Variants in KHDRBS2 observed in about 807,000 individuals in gnomAD.
The protein encoded by KHDRBS2 is KH RNA binding domain containing, signal transduction associated 2.
KHDRBS2 carries 26 observed loss-of-function variants against 44.3 expected under a neutral mutation model. That is an observed-to-expected ratio of 0.59 (90% CI 0.43 to 0.81). KHDRBS2 has a LOEUF of 0.81. Ranked by LOEUF, KHDRBS2 falls within the 40% of genes least tolerant of loss-of-function variation. The pLI is 0.00. For missense variants in KHDRBS2, 476 were observed against 433.1 expected (o/e 1.10, Z -0.88); for synonymous variants, 194 against 151.1 (o/e 1.28, Z -2.08).
intron 7 of KHDRBS2, among the ~76,000 whole-genome samples, chr6:61,699,865 A>T (rs1202181546): frequency 6.6e-6 from 1 of 151,930 alleles, no homozygotes; most frequent in Non-Finnish European, 1.5e-5. Context: ...TTACATTCAA[A>T]CTGTCTAAAA....
the KHDRBS2 span, among the ~76,000 whole-genome samples, chr6:61,564,544 G>A: frequency 6.6e-6 from 1 of 151,992 alleles, no homozygotes; most frequent in African/African-American, 2.4e-5. Flanking sequence ...ATAAAATGAA[G>A]GTGATCTGGT....
intron 2 of KHDRBS2, among the ~76,000 whole-genome samples, chr6:62,128,793 C>T (rs892132343): frequency 6.6e-6 from 1 of 151,492 alleles, no homozygotes; most frequent in African/African-American, 2.4e-5. Flanking sequence ...TACAACGACA[C>T]AATAAAAAAT....
At chr6:62,244,950 G>A (rs1835301329) in intron 1 of KHDRBS2, among the ~76,000 whole-genome samples, 1 of 152,074 alleles carries the variant, frequency 6.6e-6, no homozygotes, top group African/African-American at 2.4e-5. Context: ...AGCAGCAAGT[G>A]CAAACCTTGC....
At chr6:62,065,208 T>A (rs987457992) in intron 2 of KHDRBS2, among the ~76,000 whole-genome samples, 1 of 152,078 alleles carries the variant, frequency 6.6e-6, no homozygotes, top group African/African-American at 2.4e-5. Flanking sequence ...GTTCAACCAT[T>A]GTGGAAGTCA....
chr6:61,697,365 C>T, intron 7 of KHDRBS2, 112 bp from the exon 8 acceptor site: 1 of 723,806 alleles, frequency 1.4e-6, no homozygotes. Context: ...CCAGGAACTT[C>T]AAGGCATAAA....
At chr6:62,035,650 T>C (rs1421198844) in intron 3 of KHDRBS2, among the ~76,000 whole-genome samples, 1 of 152,016 alleles carries the variant, frequency 6.6e-6, no homozygotes, top group Non-Finnish European at 1.5e-5. Context: ...AGAGTATTAT[T>C]GGATTGTTTG....
chr6:61,988,755 C>A (rs1418308285), intron 3 of KHDRBS2, among the ~76,000 whole-genome samples: 1 of 152,092 alleles, frequency 6.6e-6, no homozygotes, highest in Non-Finnish European at 1.5e-5. Context: ...CATCACAGGC[C>A]CACAAGGGTG....
intron 1 of KHDRBS2, among the ~76,000 whole-genome samples, chr6:62,229,192 A>C (rs1832458940): frequency 6.6e-6 from 1 of 152,000 alleles, no homozygotes; most frequent in African/African-American, 2.4e-5. Flanking sequence ...TTGGGTCCCT[A>C]AGCCCCTGGA....
chr6:61,771,895 C>CT (rs1780980822), intron 6 of KHDRBS2, among the ~76,000 whole-genome samples: 1 of 152,158 alleles, frequency 6.6e-6, no homozygotes, highest in Non-Finnish European at 1.5e-5. Context: ...TTCTTTTCAG[C>CT]ACCACACCAC....
At chr6:61,799,852 C>T (rs934458115) in intron 6 of KHDRBS2, among the ~76,000 whole-genome samples, 2 of 151,816 alleles carry the variant, frequency 1.3e-5, no homozygotes, top group Non-Finnish European at 2.9e-5. Context: ...TTCAATAAAC[C>T]TATGAAAACA....
intron 4 of KHDRBS2, among the ~76,000 whole-genome samples, chr6:61,972,785 T>C (rs1408250542): frequency 2.0e-5 from 3 of 152,222 alleles, no homozygotes; most frequent in African/African-American, 7.2e-5. Flanking sequence ...TTGCCATTTA[T>C]CAGTTACTTT....
At chr6:62,054,765 G>A (rs993518439) in intron 2 of KHDRBS2, among the ~76,000 whole-genome samples, 6 of 151,990 alleles carry the variant, frequency 3.9e-5, no homozygotes, top group African/African-American at 1.2e-4. Flanking sequence ...CAACCCTGCA[G>A]ACACCTGGAT....
intron 2 of KHDRBS2, among the ~76,000 whole-genome samples, chr6:62,118,824 T>G (rs2150080797): frequency 6.6e-6 from 1 of 152,320 alleles, no homozygotes; most frequent in East Asian, 1.9e-4. Context: ...CCCAGTAATT[T>G]TCCAGGGGCT....
chr6:61,607,064 T>C, the KHDRBS2 span, among the ~76,000 whole-genome samples: 11 of 151,590 alleles, frequency 7.3e-5, no homozygotes, highest in Non-Finnish European at 1.2e-4. Flanking sequence ...ATATAGAAAA[T>C]AGGAAAAAAC....
At chr6:62,208,337 C>T (rs1318630102) in intron 1 of KHDRBS2, among the ~76,000 whole-genome samples, 1 of 152,128 alleles carries the variant, frequency 6.6e-6, no homozygotes, top group African/African-American at 2.4e-5. Flanking sequence ...TCAAATGGTC[C>T]TCATGCTTCA....
chr6:61,647,521 G>T, the KHDRBS2 span, among the ~76,000 whole-genome samples: 3 of 152,120 alleles, frequency 2.0e-5, no homozygotes, highest in Non-Finnish European at 4.4e-5. Flanking sequence ...ATCGTCTTCA[G>T]TTATTAGTTG....
chr6:62,099,396 A>T (rs1213727659), intron 2 of KHDRBS2, among the ~76,000 whole-genome samples: 1 of 152,106 alleles, frequency 6.6e-6, no homozygotes, highest in Non-Finnish European at 1.5e-5. Flanking sequence ...TGCAGTTAGT[A>T]TGTTGCCACT....
At chr6:61,964,402 T>G (rs1178789659) in intron 4 of KHDRBS2, among the ~76,000 whole-genome samples, 2 of 152,064 alleles carry the variant, frequency 1.3e-5, no homozygotes, top group African/African-American at 2.4e-5. Context: ...AGCTTTGATT[T>G]CTGACTTCAG....
intron 6 of KHDRBS2, among the ~76,000 whole-genome samples, chr6:61,748,422 C>T (rs1399257340): frequency 1.3e-5 from 2 of 152,192 alleles, no homozygotes; most frequent in Non-Finnish European, 2.9e-5. Context: ...TGGATACCAG[C>T]AGTCCTGGAA....
Sources: allele counts gnomAD v4.1 joint callset (sites outside exome capture counted in the v4.1 genomes callset), GRCh38; gene constraint gnomAD v4.1.1; transcripts MANE v1.5; gene names NCBI Gene and HGNC (gene_info 2026-07-23, HGNC 2026-07-21).